The following CCDC85C variants were observed in gnomAD, a reference collection of about 807,000 sequenced individuals.
The protein encoded by CCDC85C is coiled-coil domain-containing protein 85C.
A neutral mutation model predicts 38.3 loss-of-function variants in CCDC85C; 18 were observed. The ratio of observed to expected loss-of-function variants is 0.47; its 90% confidence interval spans 0.33 to 0.70. CCDC85C has a LOEUF of 0.70. Ranked by LOEUF, CCDC85C falls within the 30% of genes least tolerant of loss-of-function variation. The pLI, the probability that CCDC85C is intolerant of heterozygous loss-of-function variation, is 0.03. For synonymous variants in CCDC85C, 264 were observed against 293.8 expected, an observed-to-expected ratio of 0.90 and a Z score of 1.04; for missense variants, 566 against 621.2, an observed-to-expected ratio of 0.91 and a Z score of 0.94.
Position 99,502,698 on chromosome 14 carries a change from T to G in CCDC85C, c.*12548A>C. Reference sequence around the variant, plus strand: ...TTAAAATACCAATTTGTGTAAAATGTAATTGTTGGCTATCATTTAGACATC... The same window carrying G: ...TTAAAATACCAATTTGTGTAAAATGGAATTGTTGGCTATCATTTAGACATC... On this transcript the variant is annotated 3_prime_UTR_variant, in exon 6 of 6. Coordinates refer to ENST00000380243, the MANE Select transcript of CCDC85C (RefSeq NM_001144995.2). 6.2e-7 allele frequency: 1 copy of G among 1,606,240 alleles called. No individual in the cohort carries two copies. Among genetic ancestry groups the G allele is most frequent in the Non-Finnish European group, 8.5e-7 (1 of 1,173,052 alleles).
intron 1 of CCDC85C, among the ~76,000 whole-genome samples, chr14:99,596,274 G>A (rs973386083): frequency 5.3e-5 from 8 of 152,184 alleles, no homozygotes; most frequent in African/African-American, 1.4e-4. Context: ...TCTAAGACAC[G>A]CCCCATATTA....
chr14:99,587,957 G>A (rs546201647), intron 1 of CCDC85C, among the ~76,000 whole-genome samples: 104 of 152,296 alleles, frequency 6.8e-4, no homozygotes, highest in South Asian at 1.4e-3. Flanking sequence ...CCCTGTTCTC[G>A]TGGAGAACGT....
intron 4 of CCDC85C, 66 bp downstream of exon 4, chr14:99,517,022 G>C: frequency 1.4e-6 from 2 of 1,437,368 alleles, no homozygotes; most frequent in South Asian, 2.4e-5. Context: ...TAGGTGCAAA[G>C]GTCCCACAGT....
At chr14:99,537,409 A>G (rs1766078789) in intron 1 of CCDC85C, among the ~76,000 whole-genome samples, 1 of 152,048 alleles carries the variant, frequency 6.6e-6, no homozygotes, top group Non-Finnish European at 1.5e-5. Flanking sequence ...CATGCCAACC[A>G]CAGGACCAAT....
In CCDC85C at chr14:99,517,147, G is replaced by C; in HGVS notation, c.1012C>G (p.Pro338Ala). The change falls in exon 4 of 6, where the codon CCC becomes GCC. Residue 338 changes from proline (P) to alanine (A), a missense_variant. Pro to Ala is a conservative substitution (Grantham distance 27). Transcript: ENST00000380243. ...ACPAPELPSP[P>A]SAGYSPAGQK... ...CCTGCAGGGCTGTAGCCAGCAGAGGGGGGCGAGGGCAGCTCAGGTGCGGGG... is the reference window on the plus strand; with the variant it reads ...CCTGCAGGGCTGTAGCCAGCAGAGGCGGGCGAGGGCAGCTCAGGTGCGGGG... 6.5e-7 allele frequency: 1 copy of C among 1,550,092 alleles called. No homozygotes were observed. Among genetic ancestry groups the C allele is most frequent in the Non-Finnish European group, 8.7e-7 (1 of 1,146,728 alleles).
chr14:99,549,839 C>T (rs1034803747), intron 1 of CCDC85C, among the ~76,000 whole-genome samples: 2 of 152,168 alleles, frequency 1.3e-5, no homozygotes, highest in Non-Finnish European at 2.9e-5. Flanking sequence ...TTCTTCCAGC[C>T]GTGGAGAAGG....
chr14:99,592,938 G>A (rs1013451640), intron 1 of CCDC85C, among the ~76,000 whole-genome samples: 1 of 152,252 alleles, frequency 6.6e-6, no homozygotes, highest in Non-Finnish European at 1.5e-5. Flanking sequence ...GGTGCCGAAA[G>A]AGGGAGAAAC....
At chr14:99,600,722 T>C (rs994303512) in intron 1 of CCDC85C, among the ~76,000 whole-genome samples, 1 of 152,166 alleles carries the variant, frequency 6.6e-6, no homozygotes, top group Non-Finnish European at 1.5e-5. Context: ...CCAGGGTTCC[T>C]GTGAGAAGAA....
intron 1 of CCDC85C, among the ~76,000 whole-genome samples, chr14:99,555,199 C>A (rs1419376789): frequency 6.6e-6 from 1 of 152,198 alleles, no homozygotes; most frequent in Non-Finnish European, 1.5e-5. Context: ...GGTGACAGCC[C>A]AGCTGCTGAG....
intron 1 of CCDC85C, among the ~76,000 whole-genome samples, chr14:99,594,388 G>C (rs1295623449): frequency 1.3e-5 from 2 of 152,214 alleles, no homozygotes; most frequent in Non-Finnish European, 2.9e-5. Flanking sequence ...AGGAGGGGAG[G>C]CTGGTCTGGG....
chr14:99,570,016 A>G (rs985785079), intron 1 of CCDC85C, among the ~76,000 whole-genome samples: 13 of 152,030 alleles, frequency 8.6e-5, no homozygotes, highest in Non-Finnish European at 1.8e-4. Context: ...AGTGGTTCAC[A>G]GGTAGGCAGG....
intron 1 of CCDC85C, among the ~76,000 whole-genome samples, chr14:99,589,586 G>C (rs1262166556): frequency 6.6e-6 from 1 of 152,200 alleles, no homozygotes; most frequent in Non-Finnish European, 1.5e-5. Context: ...TAGAGCTGCG[G>C]TCCCTATTCC....
intron 1 of CCDC85C, among the ~76,000 whole-genome samples, chr14:99,563,682 C>G (rs1898161206): frequency 6.6e-6 from 1 of 152,244 alleles, no homozygotes; most frequent in African/African-American, 2.4e-5. Context: ...CGGCATGGCG[C>G]TCACCAGCCG....
rs889114212 is a variant in CCDC85C, at chr14:99,516,735, C to T, written c.1071+353G>A. ...ACAGCCTGGAGGAACCGGAGCCCATCGGACTCACCAGTCTGCACCTGCAGA... is the reference window on the plus strand; with the variant it reads ...ACAGCCTGGAGGAACCGGAGCCCATTGGACTCACCAGTCTGCACCTGCAGA... On this transcript the variant is annotated intron_variant, in intron 4 of 5. Coordinates refer to ENST00000380243, the MANE Select transcript of CCDC85C (RefSeq NM_001144995.2). The surrounding 1 kb of genome is among the most constrained non-coding windows in gnomAD (Gnocchi z 5.5). Among the ~76,000 whole-genome samples, 24 of 152,230 alleles carry T rather than the reference C, an allele frequency of 1.6e-4. No individual in the cohort carries two copies. The highest frequency in any genetic ancestry group is 4.8e-4 in the African/African-American group (20 of 41,522).
intron 1 of CCDC85C, among the ~76,000 whole-genome samples, chr14:99,582,799 G>T (rs1427522704): frequency 1.3e-5 from 2 of 152,090 alleles, no homozygotes; most frequent in Non-Finnish European, 2.9e-5. Context: ...GGGTGATAGA[G>T]CAAGACTCCG....
intron 2 of CCDC85C, among the ~76,000 whole-genome samples, chr14:99,524,740 G>A (rs4905844): frequency 0.87 from 132,708 of 152,260 alleles, 60,023 homozygotes; most frequent in East Asian, 1. Context: ...CCGAGGAGGG[G>A]AAGCAGGAGC....
intron 1 of CCDC85C, among the ~76,000 whole-genome samples, chr14:99,537,490 G>C (rs986397217): frequency 1.3e-5 from 2 of 152,102 alleles, no homozygotes; most frequent in African/African-American, 2.4e-5. Flanking sequence ...CCTGGACCAG[G>C]CCTAGGGCCC....
At chr14:99,579,210 A>G (rs993912462) in intron 1 of CCDC85C, among the ~76,000 whole-genome samples, 13 of 151,662 alleles carry the variant, frequency 8.6e-5, no homozygotes, top group Non-Finnish European at 1.9e-4. Context: ...CGTCAGGGAA[A>G]CCCCCTGTCC....
At chr14:99,534,630 C>T (rs751027564) in intron 2 of CCDC85C, 8 of 702,246 alleles carry the variant, frequency 1.1e-5, no homozygotes, top group East Asian at 5.4e-5. Context: ...GTCCCTAAGC[C>T]ATGACCTTCT....
Sources: allele counts gnomAD v4.1 joint callset (sites outside exome capture counted in the v4.1 genomes callset), GRCh38; gene constraint gnomAD v4.1.1; non-coding constraint Gnocchi (gnomAD v3.1); transcripts MANE v1.5; gene names NCBI Gene and HGNC (gene_info 2026-07-23, HGNC 2026-07-21).